The following ENTREP2 variants were observed in gnomAD, a reference collection of about 807,000 sequenced individuals.
The protein encoded by ENTREP2 is protein ENTREP2.
At chr15:29,568,710 CAAAAAAAAAAA>C in the ENTREP2 span, among the ~76,000 whole-genome samples, 32 of 128,224 alleles carry the variant, frequency 2.5e-4, no homozygotes, top group African/African-American at 8.8e-4. Context: ...CCTCTTAAGG[CAAAAAAAAAAA>C]AAAAAAAAAA....
the ENTREP2 span, among the ~76,000 whole-genome samples, chr15:29,590,799 A>G: frequency 3.9e-5 from 6 of 152,298 alleles, no homozygotes; most frequent in East Asian, 9.6e-4. Flanking sequence ...GACACAACAC[A>G]AAAGGTTTTT....
chr15:29,412,308 G>C, the ENTREP2 span, among the ~76,000 whole-genome samples: 1 of 151,856 alleles, frequency 6.6e-6, no homozygotes, highest in Non-Finnish European at 1.5e-5. Context: ...CTTAGATATA[G>C]TTCTAAGTTC....
chr15:29,555,766 T>TTC, the ENTREP2 span, among the ~76,000 whole-genome samples: 2 of 152,182 alleles, frequency 1.3e-5, no homozygotes, highest in Admixed American at 6.5e-5. Context: ...GCATCCTTCT[T>TTC]TCCTACCTCT....
chr15:29,536,082 T>A, the ENTREP2 span, among the ~76,000 whole-genome samples: 1 of 152,224 alleles, frequency 6.6e-6, no homozygotes, highest in Non-Finnish European at 1.5e-5. Flanking sequence ...TGAATCTACC[T>A]CCCACTCTAA....
chr15:29,321,445 C>T, the ENTREP2 span, among the ~76,000 whole-genome samples: 1 of 151,896 alleles, frequency 6.6e-6, no homozygotes, highest in Admixed American at 6.6e-5. Flanking sequence ...GTCAGGAGTT[C>T]GAGACCAGCC....
the ENTREP2 span, among the ~76,000 whole-genome samples, chr15:29,248,188 G>T: frequency 1.3e-5 from 2 of 152,092 alleles, no homozygotes; most frequent in South Asian, 4.1e-4. Context: ...TGTTTAGAGA[G>T]AAAAAGTTCA....
At chr15:29,299,164 A>G in the ENTREP2 span, among the ~76,000 whole-genome samples, 2 of 147,436 alleles carry the variant, frequency 1.4e-5, no homozygotes, top group South Asian at 2.1e-4. Flanking sequence ...ACTGTGTTCA[A>G]CAAGTATTCA....
the ENTREP2 span, among the ~76,000 whole-genome samples, chr15:29,141,838 T>TG: frequency 6.6e-6 from 1 of 152,324 alleles, no homozygotes; most frequent in African/African-American, 2.4e-5. Context: ...CTCCAGACCC[T>TG]GGGGAGAGCC....
At chr15:29,453,103 G>A in the ENTREP2 span, among the ~76,000 whole-genome samples, 1 of 152,152 alleles carries the variant, frequency 6.6e-6, no homozygotes, top group African/African-American at 2.4e-5. Context: ...CAATAAAAAA[G>A]GAGATCAGAA....
chr15:29,248,528 C>T, the ENTREP2 span, among the ~76,000 whole-genome samples: 6 of 151,914 alleles, frequency 3.9e-5, no homozygotes, highest in Non-Finnish European at 7.4e-5. Context: ...GTACAGAACA[C>T]ATACAGACAA....
At chr15:29,250,792 T>C in the ENTREP2 span, among the ~76,000 whole-genome samples, 1 of 152,216 alleles carries the variant, frequency 6.6e-6, no homozygotes, top group South Asian at 2.1e-4. Context: ...TGGCAAGTTA[T>C]CCTTTCAGAT....
At chr15:29,496,371 G>T in the ENTREP2 span, among the ~76,000 whole-genome samples, 4 of 151,506 alleles carry the variant, frequency 2.6e-5, no homozygotes, top group Admixed American at 2.6e-4. Flanking sequence ...CAATTTGGAT[G>T]ACTAATAAAA....
chr15:29,561,469 C>T, the ENTREP2 span, among the ~76,000 whole-genome samples: 4 of 152,080 alleles, frequency 2.6e-5, no homozygotes, highest in Non-Finnish European at 5.9e-5. Context: ...AGGCCGATCA[C>T]GAGGTCAGGA....
the ENTREP2 span, among the ~76,000 whole-genome samples, chr15:29,534,289 C>T: frequency 2.0e-5 from 3 of 152,056 alleles, no homozygotes; most frequent in African/African-American, 7.2e-5. Flanking sequence ...GAAATACACA[C>T]TAAAAAGGGT....
At chr15:29,644,995 T>C in the ENTREP2 span, among the ~76,000 whole-genome samples, 264 of 152,140 alleles carry the variant, frequency 1.7e-3, no homozygotes, top group African/African-American at 6.1e-3. Context: ...GGCAAGAAGA[T>C]TGCTTGAGCC....
At chr15:29,469,407 C>T in the ENTREP2 span, among the ~76,000 whole-genome samples, 47 of 152,148 alleles carry the variant, frequency 3.1e-4, no homozygotes, top group African/African-American at 1.1e-3. Flanking sequence ...ACCATGTTGG[C>T]CAGGCTGGTC....
chr15:29,262,642 G>A, the ENTREP2 span, among the ~76,000 whole-genome samples: 11 of 152,250 alleles, frequency 7.2e-5, no homozygotes. Flanking sequence ...CTCTTCATCT[G>A]TGTCTTTTGC....
chr15:29,297,077 C>T, the ENTREP2 span, among the ~76,000 whole-genome samples: 24,675 of 152,070 alleles, frequency 0.16, 3,364 homozygotes, highest in African/African-American at 0.38. Flanking sequence ...AAGCACCAAG[C>T]TAATCCACAA....
At chr15:29,223,332 TTGTC>T in the ENTREP2 span, among the ~76,000 whole-genome samples, 4 of 152,130 alleles carry the variant, frequency 2.6e-5, no homozygotes, top group Admixed American at 6.6e-5. Context: ...TGGAGAGAGT[TTGTC>T]TGGCTTGGCT....
Sources: allele counts gnomAD v4.1 joint callset (sites outside exome capture counted in the v4.1 genomes callset), GRCh38; gene constraint gnomAD v4.1.1; transcripts MANE v1.5; gene names NCBI Gene and HGNC (gene_info 2026-07-23, HGNC 2026-07-21).